ROBO2: variants seen among roughly 807,000 people sequenced by gnomAD.
The protein encoded by ROBO2 is roundabout guidance receptor 2.
In ROBO2, 53 loss-of-function variants were observed where a neutral mutation model predicts 160.8. That is an observed-to-expected ratio of 0.33 (90% CI 0.26 to 0.41). ROBO2 has a LOEUF of 0.41. Among genes scored for constraint, ROBO2 ranks in the 10% least tolerant of loss-of-function variants. ROBO2 has a pLI of 1.00. For missense variants in ROBO2, 1,577 were observed against 1,722.4 expected (o/e 0.92, Z 1.49); for synonymous variants, 664 against 611.7 (o/e 1.09, Z -1.26).
chr3:77,074,262 C>G (rs4254696), intron 1 of ROBO2, among the ~76,000 whole-genome samples: 150,655 of 152,318 alleles, frequency 0.99, 74,528 homozygotes, highest in Middle Eastern at 1. Flanking sequence ...TACCTTTAAA[C>G]TGTCTCCAGA....
At chr3:77,172,190 T>C (rs909154865) in intron 2 of ROBO2, among the ~76,000 whole-genome samples, 1 of 152,128 alleles carries the variant, frequency 6.6e-6, no homozygotes, top group Non-Finnish European at 1.5e-5. Context: ...GGTAAGAAGA[T>C]TTTTGTCAGT....
chr3:76,851,741 C>CAA (rs71104629), intron 2 of ROBO2, among the ~76,000 whole-genome samples: 2,237 of 60,098 alleles, frequency 0.037, 130 homozygotes, highest in African/African-American at 0.11. Flanking sequence ...GACTCCGTCT[C>CAA]AAAAAAAAAA....
At chr3:76,055,891 T>C (rs2067828171) in intron 2 of ROBO2, among the ~76,000 whole-genome samples, 1 of 152,148 alleles carries the variant, frequency 6.6e-6, no homozygotes, top group Non-Finnish European at 1.5e-5. Context: ...CCCAAGTAGC[T>C]GGGACTACAG....
chr3:76,494,696 C>A (rs963824979), intron 2 of ROBO2, among the ~76,000 whole-genome samples: 3 of 152,104 alleles, frequency 2.0e-5, no homozygotes, highest in Non-Finnish European at 4.4e-5. Flanking sequence ...AATCTTTATG[C>A]CAAACTGGCA....
chr3:77,446,887 A>G (rs1244729435), intron 2 of ROBO2, among the ~76,000 whole-genome samples: 1 of 152,106 alleles, frequency 6.6e-6, no homozygotes, highest in Non-Finnish European at 1.5e-5. Context: ...GTTAAAATCA[A>G]TGTACCTCAT....
intron 2 of ROBO2, among the ~76,000 whole-genome samples, chr3:76,320,573 G>T (rs1456060630): frequency 1.3e-5 from 2 of 152,198 alleles, no homozygotes; most frequent in Non-Finnish European, 2.9e-5. Context: ...GCGGCATTTT[G>T]TGAAATCTCT....
chr3:76,261,801 C>A (rs1239595711), intron 2 of ROBO2, among the ~76,000 whole-genome samples: 1 of 151,904 alleles, frequency 6.6e-6, no homozygotes, highest in African/African-American at 2.4e-5. Flanking sequence ...TTTGAAATAG[C>A]AATTCCTGGT....
intron 17 of ROBO2, among the ~76,000 whole-genome samples, chr3:77,591,271 C>T (rs1240383705): frequency 6.6e-6 from 1 of 152,010 alleles, no homozygotes; most frequent in African/African-American, 2.4e-5. Flanking sequence ...ATTTGAGAAA[C>T]AGCTTATCGG....
rs539989946 is a variant in ROBO2, at chr3:76,271,853, T to C, written c.109+334251T>C. ...TGATAAAATCAGACTCGATAAATACTAGTTCTTAAAATATTTCTGAAGTGA... is the reference window on the plus strand; with the variant it reads ...TGATAAAATCAGACTCGATAAATACCAGTTCTTAAAATATTTCTGAAGTGA... On this transcript the variant is annotated intron_variant, in intron 2 of 26. Coordinates refer to the ROBO2 transcript ENST00000487694. Among the ~76,000 whole-genome samples the C allele has an allele frequency of 2.6e-5, 4 of 152,182 alleles. No homozygotes were observed. The East Asian group carries it at 7.7e-4, about 29-fold the overall frequency.
intron 2 of ROBO2, among the ~76,000 whole-genome samples, chr3:76,221,290 ACT>A (rs1703948583): frequency 6.6e-6 from 1 of 151,418 alleles, no homozygotes; most frequent in Non-Finnish European, 1.5e-5. Context: ...CAAGTGGGTA[ACT>A]CAGGGTGATG....
At chr3:76,149,944 C>T (rs977914270) in intron 2 of ROBO2, among the ~76,000 whole-genome samples, 2 of 151,864 alleles carry the variant, frequency 1.3e-5, no homozygotes, top group African/African-American at 4.8e-5. Context: ...CTAAAACACA[C>T]ATCTGTCTAA....
intron 20 of ROBO2, among the ~76,000 whole-genome samples, chr3:77,605,197 T>C (rs2094503131): frequency 6.7e-6 from 1 of 149,394 alleles, no homozygotes; most frequent in Admixed American, 6.7e-5. Flanking sequence ...ATAGTATATA[T>C]ATACATATAT....
At chr3:77,642,101 T>C (rs6782127) in intron 24 of ROBO2, among the ~76,000 whole-genome samples, 6,489 of 152,224 alleles carry the variant, frequency 0.043, 207 homozygotes, top group African/African-American at 0.082. Flanking sequence ...ACAGCCAGAA[T>C]TGGTTGTCAA....
chr3:76,198,723 A>C (rs1702378339), intron 2 of ROBO2, among the ~76,000 whole-genome samples: 1 of 152,164 alleles, frequency 6.6e-6, no homozygotes, highest in Non-Finnish European at 1.5e-5. Context: ...CTTGGTCTCC[A>C]CAATGCCTTA....
intron 2 of ROBO2, among the ~76,000 whole-genome samples, chr3:76,747,737 A>G (rs1259994556): frequency 6.6e-6 from 1 of 151,972 alleles, no homozygotes; most frequent in Non-Finnish European, 1.5e-5. Context: ...TAAGTGTTAC[A>G]GAAAACATAC....
At chr3:77,038,325 A>G (rs2063755730), upstream of ROBO2, among the ~76,000 whole-genome samples, 1 of 152,204 alleles carries the variant, frequency 6.6e-6, no homozygotes, top group Non-Finnish European at 1.5e-5. Flanking sequence ...TTAATGCTTT[A>G]CAAGAAGAGT....
intron 2 of ROBO2, among the ~76,000 whole-genome samples, chr3:77,355,024 C>A (rs1250839547): frequency 3.3e-5 from 5 of 152,034 alleles, no homozygotes; most frequent in African/African-American, 1.2e-4. Flanking sequence ...TTTTGATAAG[C>A]ACATGGAGTC....
intron 2 of ROBO2, among the ~76,000 whole-genome samples, chr3:77,463,649 T>C (rs1460147911): frequency 6.6e-6 from 1 of 152,048 alleles, no homozygotes; most frequent in Non-Finnish European, 1.5e-5. Context: ...GGTGCAATCA[T>C]GTTTCACTGC....
chr3:76,408,025 T>A (rs1421528814), intron 2 of ROBO2, among the ~76,000 whole-genome samples: 1 of 152,048 alleles, frequency 6.6e-6, no homozygotes, highest in Non-Finnish European at 1.5e-5. Flanking sequence ...CTTCTTCCAG[T>A]GGGGCCCAGG....
Sources: gnomAD v4.1 joint callset for allele counts (sites outside exome capture counted in the v4.1 genomes callset) on GRCh38, gnomAD v4.1.1 for gene constraint, MANE v1.5 for transcripts, NCBI Gene and HGNC (gene_info 2026-07-23, HGNC 2026-07-21) for gene names.